PLD5: variants seen among roughly 807,000 people sequenced by gnomAD.
PLD5 encodes the protein inactive phospholipase D5.
Under a neutral mutation model 61.1 loss-of-function variants are expected in PLD5, and 36 were observed. That is an observed-to-expected ratio of 0.59 (90% CI 0.45 to 0.78). The LOEUF (loss-of-function observed/expected upper bound fraction) is 0.78, where lower values mean the gene tolerates loss of function less well. Ranked by LOEUF, PLD5 falls within the 30% of genes least tolerant of loss-of-function variation. The probability of loss-of-function intolerance (pLI) is 0.00; values close to 1 mark genes in which losing one functional copy is unlikely to be tolerated. For missense variants in PLD5, 515 were observed against 644.4 expected, an observed-to-expected ratio of 0.80 and a Z score of 2.17; for synonymous variants, 243 against 242.8, an observed-to-expected ratio of 1.00 and a Z score of -0.01.
intron 1 of PLD5, among the ~76,000 whole-genome samples, chr1:242,380,212 C>A (rs12184245): frequency 6.6e-6 from 1 of 152,146 alleles, no homozygotes; most frequent in Admixed American, 6.5e-5. Context: ...AGACAACACA[C>A]GAGACAACTA....
At chr1:242,328,369 T>C (rs138052374) in intron 2 of PLD5, among the ~76,000 whole-genome samples, 1 of 152,318 alleles carries the variant, frequency 6.6e-6, no homozygotes, top group Non-Finnish European at 1.5e-5. Context: ...TACATATGTG[T>C]TCTACATGTG....
In PLD5 at chr1:242,407,527, C is replaced by T. The variant is rs189446858; in HGVS notation, c.190-59285G>A. ...CCATGCATTTTTATACACACATATA[C>T]ACAAATACATAGTTTTTTTGTTGTG... On this transcript the variant is annotated intron_variant, in intron 1 of 9. Transcript: ENST00000536534. Among the ~76,000 whole-genome samples the T allele has an allele frequency of 1.5e-4, 23 of 150,978 alleles. No homozygotes were observed. In the East Asian group the frequency reaches 3.9e-3, roughly 26 times the overall value.
intron 1 of PLD5, among the ~76,000 whole-genome samples, chr1:242,373,133 G>A (rs1243981038): frequency 1.3e-5 from 2 of 152,150 alleles, no homozygotes; most frequent in Non-Finnish European, 2.9e-5. Context: ...GTGGGCGAAG[G>A]ACAGTTTTTG....
intron 5 of PLD5, among the ~76,000 whole-genome samples, chr1:242,215,818 A>C (rs1331578056): frequency 6.6e-6 from 1 of 152,250 alleles, no homozygotes; most frequent in Non-Finnish European, 1.5e-5. Flanking sequence ...TGCTCTGGAC[A>C]CAGACACCAT....
chr1:242,453,228 G>A (rs2102926810), intron 1 of PLD5, among the ~76,000 whole-genome samples: 1 of 152,228 alleles, frequency 6.6e-6, no homozygotes, highest in East Asian at 1.9e-4. Context: ...AGGACACAGG[G>A]AGAAGGCACC....
intron 1 of PLD5, among the ~76,000 whole-genome samples, chr1:242,477,131 T>C (rs1368080831): frequency 6.6e-6 from 1 of 152,056 alleles, no homozygotes; most frequent in African/African-American, 2.4e-5. Context: ...GCCCCTGTAA[T>C]CCCAGCTACT....
intron 1 of PLD5, among the ~76,000 whole-genome samples, chr1:242,477,746 G>C (rs753288019): frequency 1.3e-5 from 2 of 152,200 alleles, no homozygotes; most frequent in Admixed American, 6.5e-5. Context: ...ATCAGGTTCA[G>C]TATAAGCAAA....
At chr1:242,312,995 C>T (rs1676791634) in intron 2 of PLD5, among the ~76,000 whole-genome samples, 1 of 152,188 alleles carries the variant, frequency 6.6e-6, no homozygotes, top group African/African-American at 2.4e-5. Flanking sequence ...TTCCTGATGT[C>T]CTCATCACAT....
chr1:242,297,207 G>C (rs1675711489), intron 2 of PLD5, among the ~76,000 whole-genome samples: 3 of 152,052 alleles, frequency 2.0e-5, no homozygotes, highest in Non-Finnish European at 2.9e-5. Context: ...AGCTGGGCAT[G>C]GTGGCATGTG....
At chr1:242,157,087 C>A (rs1665433623) in intron 5 of PLD5, among the ~76,000 whole-genome samples, 1 of 152,088 alleles carries the variant, frequency 6.6e-6, no homozygotes, top group South Asian at 2.1e-4. Context: ...TGTCTTCTAG[C>A]TTTATTTCAT....
chr1:242,396,229 G>T (rs186016568), intron 1 of PLD5, among the ~76,000 whole-genome samples: 1 of 151,836 alleles, frequency 6.6e-6, no homozygotes, highest in African/African-American at 2.4e-5. Context: ...TCTTTGTTCT[G>T]GGGACTATCC....
At chr1:242,426,759 T>G (rs1020888680) in intron 1 of PLD5, among the ~76,000 whole-genome samples, 1 of 152,210 alleles carries the variant, frequency 6.6e-6, no homozygotes, top group Admixed American at 6.5e-5. Flanking sequence ...TCTTAGATCA[T>G]TGGGGCAGAG....
At chr1:242,324,085 AAGG>A (rs1658596731) in intron 2 of PLD5, among the ~76,000 whole-genome samples, 1 of 151,800 alleles carries the variant, frequency 6.6e-6, no homozygotes, top group Non-Finnish European at 1.5e-5. Flanking sequence ...ACACAGAGAG[AAGG>A]AAACACAACC....
At chr1:242,411,376 C>T (rs1222051128) in intron 1 of PLD5, among the ~76,000 whole-genome samples, 1 of 152,216 alleles carries the variant, frequency 6.6e-6, no homozygotes, top group Admixed American at 6.5e-5. Context: ...GCTGGGACTA[C>T]AGGCGCCCGC....
At chr1:242,314,831 T>C (rs989898047) in intron 2 of PLD5, among the ~76,000 whole-genome samples, 1 of 152,110 alleles carries the variant, frequency 6.6e-6, no homozygotes, top group Non-Finnish European at 1.5e-5. Context: ...TTTTTTTTTT[T>C]CTAAGTTGGA....
chr1:242,525,060 C>A (rs1045152219), upstream of PLD5, among the ~76,000 whole-genome samples: 3 of 151,828 alleles, frequency 2.0e-5, no homozygotes, highest in African/African-American at 7.3e-5. Context: ...CCTCACCCTG[C>A]CCCCGGCTCG....
In PLD5 at chr1:242,436,350, G is replaced by GAA. The variant is rs1377727316; in HGVS notation, c.189+87736_189+87737dup. On this transcript the variant is annotated intron_variant, in intron 1 of 9. Transcript: ENST00000536534. ...TTTGCCCTGTTAAAAAATCCATTCA[G>GAA]AATTGCAATTTTCATCTCCTTGCCT... 2.0e-5 allele frequency among the ~76,000 whole-genome samples: 3 copies of GAA among 152,190 alleles called. No individual in the cohort carries two copies. In the East Asian group the frequency reaches 5.8e-4, roughly 29 times the overall value.
At chr1:242,097,710 G>T (rs1660359999) in intron 9 of PLD5, among the ~76,000 whole-genome samples, 1 of 152,200 alleles carries the variant, frequency 6.6e-6, no homozygotes, top group African/African-American at 2.4e-5. Context: ...TATTCACTCT[G>T]ATGGTAGTTT....
At chr1:242,169,897 G>C (rs2148872807) in intron 5 of PLD5, among the ~76,000 whole-genome samples, 1 of 152,292 alleles carries the variant, frequency 6.6e-6, no homozygotes, top group East Asian at 1.9e-4. Context: ...CTCCTCTCTG[G>C]GAAGGGCATC....
Sources: allele counts gnomAD v4.1 joint callset (sites outside exome capture counted in the v4.1 genomes callset), GRCh38; gene constraint gnomAD v4.1.1; transcripts MANE v1.5; gene names NCBI Gene and HGNC (gene_info 2026-07-23, HGNC 2026-07-21).